CDH11: variants seen among roughly 807,000 people sequenced by gnomAD.
CDH11 encodes the protein cadherin-11.
In CDH11, 11 loss-of-function variants were observed where a neutral mutation model predicts 67.8. That is an observed-to-expected ratio of 0.16 (90% CI 0.10 to 0.27). The LOEUF is 0.27. Among genes scored for constraint, CDH11 ranks in the 10% least tolerant of loss-of-function variants. The pLI, the probability that CDH11 is intolerant of heterozygous loss-of-function variation, is 1.00. For missense variants in CDH11, 847 were observed against 1,031.2 expected, an observed-to-expected ratio of 0.82 and a Z score of 2.45; for synonymous variants, 419 against 400.0, an observed-to-expected ratio of 1.05 and a Z score of -0.57.
Position 64,945,355 on chromosome 16 carries a change from G to C in CDH11, c.*2248C>G, listed in dbSNP as rs543522572. 1.1e-6 allele frequency: 1 copy of C among 898,122 alleles called. No individual in the cohort carries two copies. The highest frequency in any genetic ancestry group is 6.6e-5 in the East Asian group (1 of 15,180). 55.6% of individuals were successfully genotyped at this position (898,122 alleles called of 1,614,324 possible). A position where few individuals can be genotyped will look rare whatever the true frequency, so the allele number is the denominator to read the frequency against. Reference sequence around the variant, plus strand: ...AACAAGTATTCTTAACTACTGAAAAGTAAACAGCCTTTTTAAAAAAGACTT... The same window carrying C: ...AACAAGTATTCTTAACTACTGAAAACTAAACAGCCTTTTTAAAAAAGACTT... On this transcript the variant is annotated 3_prime_UTR_variant, in exon 13 of 13. Coordinates refer to ENST00000268603, the MANE Select transcript of CDH11 (RefSeq NM_001797.4).
intron 2 of CDH11, among the ~76,000 whole-genome samples, chr16:65,014,814 C>T (rs557848925): frequency 2.0e-5 from 3 of 152,002 alleles, no homozygotes; most frequent in African/African-American, 7.2e-5. Context: ...CTGGCCTTAA[C>T]AGGAGAAGAG....
At chr16:65,073,536 C>T (rs2074456215) in intron 1 of CDH11, among the ~76,000 whole-genome samples, 1 of 152,196 alleles carries the variant, frequency 6.6e-6, no homozygotes, top group African/African-American at 2.4e-5. Flanking sequence ...CCTGCCTTGG[C>T]CTCTCGAAGT....
chr16:64,945,488 A>C lies in CDH11; in HGVS notation c.*2115T>G. On this transcript the variant is annotated 3_prime_UTR_variant, in exon 13 of 13. Transcript: ENST00000268603. ...TACTTACAGCTGTATACTTATTTAA[A>C]TGCTATTCATATTCCTTTTGAGTTA... is the stretch of plus-strand genomic sequence containing the variant. 1 of 1,034,134 alleles carries C rather than the reference A, an allele frequency of 9.7e-7. No homozygotes were observed. Among genetic ancestry groups the C allele is most frequent in the Non-Finnish European group, 1.2e-6 (1 of 859,136 alleles). 64.1% of individuals were successfully genotyped at this position (1,034,134 alleles called of 1,614,324 possible). A position where few individuals can be genotyped will look rare whatever the true frequency, so the allele number is the denominator to read the frequency against.
At chr16:65,055,084 G>A (rs1210000770) in intron 1 of CDH11, among the ~76,000 whole-genome samples, 1 of 152,158 alleles carries the variant, frequency 6.6e-6, no homozygotes, top group African/African-American at 2.4e-5. Context: ...GAGTAACACT[G>A]GAGTTATTCC....
At chr16:65,046,436 G>T (rs183633048) in intron 2 of CDH11, among the ~76,000 whole-genome samples, 56 of 150,364 alleles carry the variant, frequency 3.7e-4, no homozygotes, top group African/African-American at 1.1e-3. Context: ...CCTAGGGATG[G>T]ATCCCCATCC....
chr16:64,980,110 T>C (rs1469830183), intron 8 of CDH11, among the ~76,000 whole-genome samples: 1 of 151,984 alleles, frequency 6.6e-6, no homozygotes, highest in Non-Finnish European at 1.5e-5. Flanking sequence ...ATTTCTTTTG[T>C]GGGGGGGATC....
chr16:64,999,571 T>C (rs759686871), intron 3 of CDH11, among the ~76,000 whole-genome samples: 5 of 152,180 alleles, frequency 3.3e-5, no homozygotes, highest in Non-Finnish European at 7.3e-5. Context: ...TCTCACTCTG[T>C]TGCCCAGGCT....
chr16:64,971,565 A>G lies in CDH11; in HGVS notation c.1642+14T>C, dbSNP rs760526230. On this transcript the variant is annotated intron_variant, in intron 11 of 12. Coordinates refer to ENST00000268603, the MANE Select transcript of CDH11 (RefSeq NM_001797.4). Reference sequence around the variant, plus strand: ...GTTCTACTTCTCTGAATGCGTAGGAACCTTAGTACAAACCTCGGTTGTCTC... The same window carrying G: ...GTTCTACTTCTCTGAATGCGTAGGAGCCTTAGTACAAACCTCGGTTGTCTC... 7 of 1,490,182 alleles carry G rather than the reference A, an allele frequency of 4.7e-6. No individual in the cohort carries two copies. Among genetic ancestry groups the G allele is most frequent in the Non-Finnish European group, 6.5e-6 (7 of 1,073,208 alleles). 92.3% of individuals were successfully genotyped at this position (1,490,182 alleles called of 1,614,324 possible).
intron 11 of CDH11, among the ~76,000 whole-genome samples, chr16:64,967,658 A>G (rs2071878229): frequency 6.6e-6 from 1 of 152,204 alleles, no homozygotes; most frequent in African/African-American, 2.4e-5. Flanking sequence ...AAGTGGGAAA[A>G]TTAGTGGACA....
At chr16:65,122,086 C>G (rs987690667), upstream of CDH11, 23 of 438,732 alleles carry the variant, frequency 5.2e-5, no homozygotes, top group African/African-American at 4.6e-4. Context: ...GCGCTAGTGG[C>G]AGGAATGAGA....
At chr16:64,976,829 C>A (rs2072184081) in intron 8 of CDH11, among the ~76,000 whole-genome samples, 2 of 151,188 alleles carry the variant, frequency 1.3e-5, no homozygotes, top group African/African-American at 2.4e-5. Flanking sequence ...GCCTGGGCAA[C>A]AGAGTGAGAC....
intron 2 of CDH11, among the ~76,000 whole-genome samples, chr16:65,042,431 G>A (rs1345930235): frequency 6.6e-6 from 1 of 152,140 alleles, no homozygotes; most frequent in East Asian, 1.9e-4. Flanking sequence ...TGAAAGGTGT[G>A]TGAGGAGACT....
chr16:65,086,034 T>C (rs969134457), intron 1 of CDH11, among the ~76,000 whole-genome samples: 2 of 152,250 alleles, frequency 1.3e-5, no homozygotes, highest in Non-Finnish European at 2.9e-5. Context: ...GGTGCTATTT[T>C]GATGCTGCTT....
intron 8 of CDH11, among the ~76,000 whole-genome samples, chr16:64,979,890 A>G (rs2072286259): frequency 6.6e-6 from 1 of 152,236 alleles, no homozygotes; most frequent in Admixed American, 6.5e-5. Flanking sequence ...AGAGATAAAA[A>G]GAAATGAATT....
At chr16:65,066,888 A>G (rs372318310) in intron 1 of CDH11, among the ~76,000 whole-genome samples, 18 of 152,336 alleles carry the variant, frequency 1.2e-4, no homozygotes, top group African/African-American at 4.1e-4. Flanking sequence ...CCTGGACTTA[A>G]AGTTTGACAT....
chr16:65,110,009 T>A (rs963305059), intron 1 of CDH11, among the ~76,000 whole-genome samples: 1 of 152,178 alleles, frequency 6.6e-6, no homozygotes, highest in Non-Finnish European at 1.5e-5. Context: ...AGCTGGGGAC[T>A]ACAGGCACGT....
intron 11 of CDH11, among the ~76,000 whole-genome samples, chr16:64,961,906 C>T (rs1314128617): frequency 6.6e-6 from 1 of 152,078 alleles, no homozygotes. Flanking sequence ...CACACACACA[C>T]CCCCCAAAAC....
chr16:64,988,127 T>C (rs1323352024), intron 7 of CDH11, 30 bp downstream of exon 7: 2 of 1,562,436 alleles, frequency 1.3e-6, no homozygotes, highest in South Asian at 2.4e-5. Flanking sequence ...GCCATACCAC[T>C]GACACGTCTG....
intron 2 of CDH11, among the ~76,000 whole-genome samples, chr16:65,034,728 G>T (rs540898339): frequency 6.6e-6 from 1 of 152,282 alleles, no homozygotes; most frequent in Admixed American, 6.5e-5. Flanking sequence ...AAGCTTAATG[G>T]CATTGGAAAC....
Sources: gnomAD v4.1 joint callset for allele counts (sites outside exome capture counted in the v4.1 genomes callset) on GRCh38, gnomAD v4.1.1 for gene constraint, MANE v1.5 for transcripts, NCBI Gene and HGNC (gene_info 2026-07-23, HGNC 2026-07-21) for gene names.